Variants in TPST2 observed in about 807,000 individuals in gnomAD.
TPST2 encodes the protein tyrosylprotein sulfotransferase 2, also known as protein-tyrosine sulfotransferase 2.
TPST2 carries 16 observed loss-of-function variants against 27.8 expected under a neutral mutation model. That is an observed-to-expected ratio of 0.58 (90% CI 0.39 to 0.88). The LOEUF (loss-of-function observed/expected upper bound fraction) is 0.88. TPST2 is among the 40% of genes least tolerant of loss of function. The pLI is 0.00. For missense variants in TPST2, 464 were observed against 543.1 expected, an observed-to-expected ratio of 0.85 and a Z score of 1.45; for synonymous variants, 229 against 231.7, an observed-to-expected ratio of 0.99 and a Z score of 0.10.
chr22:26,546,459 G>A (rs1926131655), intron 1 of TPST2, among the ~76,000 whole-genome samples: 1 of 152,242 alleles, frequency 6.6e-6, no homozygotes, highest in African/African-American at 2.4e-5. Context: ...TCGCCCAGCT[G>A]CCCTCAGACA....
chr22:26,585,509 G>A (rs1306141959), intron 1 of TPST2, among the ~76,000 whole-genome samples: 3 of 152,162 alleles, frequency 2.0e-5, no homozygotes, highest in Admixed American at 6.5e-5. Flanking sequence ...CTCTGGAGGG[G>A]CCCCAGACCG....
chr22:26,552,269 T>C (rs1926523480), intron 1 of TPST2, among the ~76,000 whole-genome samples: 1 of 152,156 alleles, frequency 6.6e-6, no homozygotes, highest in Non-Finnish European at 1.5e-5. Flanking sequence ...TCCGGTCAGG[T>C]GGGATCAGGG....
chr22:26,535,862 C>CA lies in TPST2; in HGVS notation c.1041+425dup, dbSNP rs1925426910. On this transcript the variant is annotated intron_variant, in intron 4 of 6. Coordinates refer to ENST00000338754, the MANE Select transcript of TPST2 (RefSeq NM_003595.5). ...AGCATAATTTAAACAGCCCTAAACT[C>CA]ACATTTGTCTGAGAAATCCACATTA... 8.8e-6 allele frequency: 3 copies of CA among 339,652 alleles called. No homozygotes were observed. The Admixed American group carries it at 1.2e-4, about 13-fold the overall frequency. 21.0% of individuals were successfully genotyped at this position (339,652 alleles called of 1,614,324 possible).
chr22:26,546,340 C>T (rs1926124411), intron 1 of TPST2, among the ~76,000 whole-genome samples: 2 of 152,220 alleles, frequency 1.3e-5, no homozygotes, highest in African/African-American at 4.8e-5. Context: ...ATACTCAAGC[C>T]CCGGCACTCC....
intron 4 of TPST2, among the ~76,000 whole-genome samples, chr22:26,535,209 C>T (rs1345532881): frequency 2.0e-5 from 3 of 152,150 alleles, no homozygotes; most frequent in African/African-American, 2.4e-5. Flanking sequence ...AACTTTTTTC[C>T]GTTGTGATTC....
In TPST2 at chr22:26,577,645, G is replaced by A. The variant is rs544733319; in HGVS notation, c.-161+12408C>T. ...ATTACAGGTGTGAGCCACTGCACCCGGCCATTTTTTTTTTTTTTTTTTTTT... is the reference window on the plus strand; with the variant it reads ...ATTACAGGTGTGAGCCACTGCACCCAGCCATTTTTTTTTTTTTTTTTTTTT... On this transcript the variant is annotated intron_variant, in intron 1 of 6. Coordinates refer to ENST00000338754, the MANE Select transcript of TPST2 (RefSeq NM_003595.5). 3.3e-3 allele frequency among the ~76,000 whole-genome samples: 463 copies of A among 142,180 alleles called. 1 individual carries two copies. The highest frequency in any genetic ancestry group is 4.7e-3 in the Non-Finnish European group (315 of 66,542). 93.3% of individuals were successfully genotyped at this position (142,180 alleles called of 152,430 possible). A position where few individuals can be genotyped will look rare whatever the true frequency, so the allele number is the denominator to read the frequency against.
At chr22:26,561,810 G>C (rs997939967) in intron 1 of TPST2, among the ~76,000 whole-genome samples, 7 of 152,168 alleles carry the variant, frequency 4.6e-5, no homozygotes, top group Non-Finnish European at 1.0e-4. Context: ...GGGAGCCATG[G>C]CAGATGTTTG....
rs7289069 is a variant in TPST2, at chr22:26,533,333, T to C, written c.1042-588A>G. Among the ~76,000 whole-genome samples, 721 of 152,170 alleles carry C rather than the reference T, an allele frequency of 4.7e-3. 4 individuals carry two copies. The highest frequency in any genetic ancestry group is 0.017 in the African/African-American group (699 of 41,520). ...AGCTACTCCAGCCTCAGCTGGAGGATTGGTTGAGCCCGGGAGGTTGAGGCT... is the reference window on the plus strand; with the variant it reads ...AGCTACTCCAGCCTCAGCTGGAGGACTGGTTGAGCCCGGGAGGTTGAGGCT... On this transcript the variant is annotated intron_variant, in intron 4 of 6. Transcript: ENST00000338754.
chr22:26,573,214 C>T (rs192425093), intron 1 of TPST2, among the ~76,000 whole-genome samples: 14 of 152,256 alleles, frequency 9.2e-5, no homozygotes, highest in Admixed American at 3.9e-4. Context: ...TATTTTTTGT[C>T]GAGATGAGGT....
rs757828241 is a variant in TPST2, at chr22:26,541,524, G to A, written c.107C>T (p.Ala36Val). 89 of 1,611,672 alleles carry A rather than the reference G, an allele frequency of 5.5e-5. No homozygotes were observed. In the South Asian group the frequency reaches 6.4e-4, roughly 12 times the overall value. Reference sequence around the variant, plus strand: ...GGCCCCCCGGGGGCTCCGCAGGCCCGCCAGCACCGCCCGGCACTCTAGCAC... The same window carrying A: ...GGCCCCCCGGGGGCTCCGCAGGCCCACCAGCACCGCCCGGCACTCTAGCAC... ...QQVLECRAVL[A>V]GLRSPRGAMR... The change falls in exon 3 of 7, where the codon GCG (alanine) becomes GTG (valine). Residue 36 changes from alanine (A) to valine (V), a missense_variant. Transcript: ENST00000338754. This position sits in a 1 kb window ranked among gnomAD's most constrained non-coding sequence, Gnocchi z 5.9.
intron 5 of TPST2, among the ~76,000 whole-genome samples, chr22:26,531,525 G>A (rs528543156): frequency 4.6e-5 from 7 of 152,320 alleles, no homozygotes; most frequent in African/African-American, 1.7e-4. Context: ...CCACTTTCAG[G>A]CGTTTACAGT....
chr22:26,555,643 G>A (rs1926753274), intron 1 of TPST2, among the ~76,000 whole-genome samples: 1 of 152,240 alleles, frequency 6.6e-6, no homozygotes. Flanking sequence ...CATTGAGCCG[G>A]CAGACAATCA....
At chr22:26,528,290 G>T (rs1280364550) in intron 5 of TPST2, 28 bp from the exon 6 acceptor site, 2 of 1,556,692 alleles carry the variant, frequency 1.3e-6, no homozygotes, top group Non-Finnish European at 1.7e-6. Flanking sequence ...ACAGAAGAAG[G>T]GGTCACGGCC....
At chr22:26,531,147 C>T (rs1264605067) in intron 5 of TPST2, among the ~76,000 whole-genome samples, 2 of 152,128 alleles carry the variant, frequency 1.3e-5, no homozygotes, top group Admixed American at 6.6e-5. Context: ...GAATGGCATA[C>T]CCCCACGCTC....
At chr22:26,568,727 T>C (rs1021185123) in intron 1 of TPST2, among the ~76,000 whole-genome samples, 2 of 152,224 alleles carry the variant, frequency 1.3e-5, no homozygotes, top group African/African-American at 4.8e-5. Context: ...TCCCCTTATT[T>C]AGCATATGAT....
At chr22:26,556,334 T>C (rs981811864) in intron 1 of TPST2, among the ~76,000 whole-genome samples, 1 of 151,030 alleles carries the variant, frequency 6.6e-6, no homozygotes. Context: ...AGGTCAGGAG[T>C]TCAAGACCAG....
At chr22:26,560,487 A>C in intron 1 of TPST2, 1 of 775,946 alleles carries the variant, frequency 1.3e-6, no homozygotes, top group Admixed American at 1.9e-5. Flanking sequence ...CCGGACGGGC[A>C]CTGGGCGACT....
chr22:26,536,367 G>C lies in TPST2; in HGVS notation c.962C>G (p.Ala321Gly). The change falls in exon 4 of 7, where the codon GCT becomes GGT. Residue 321 changes from alanine to glycine, a missense_variant. By Grantham distance (60) the Ala-to-Gly change is moderately conservative (BLOSUM62 0). Coordinates refer to ENST00000338754, the MANE Select transcript of TPST2 (RefSeq NM_003595.5). ...TGCATAAGGGTCATAGCCGAGCTGA[G>C]CCAGCATGGGGGCGATCTGGGCCAT... ...RDMAQIAPML[A>G]QLGYDPYANP... 6.2e-7 allele frequency: 1 copy of C among 1,610,514 alleles called. No individual in the cohort carries two copies. The highest frequency in any genetic ancestry group is 8.5e-7 in the Non-Finnish European group (1 of 1,176,958).
intron 4 of TPST2, among the ~76,000 whole-genome samples, chr22:26,533,370 T>C (rs1350219922): frequency 6.6e-6 from 1 of 152,130 alleles, no homozygotes; most frequent in Non-Finnish European, 1.5e-5. Context: ...CAGTGAAGTA[T>C]GATCACATCA....
Sources: gnomAD v4.1 joint callset for allele counts (sites outside exome capture counted in the v4.1 genomes callset) on GRCh38, gnomAD v4.1.1 for gene constraint, Gnocchi (gnomAD v3.1) non-coding constraint, MANE v1.5 for transcripts, NCBI Gene and HGNC (gene_info 2026-07-23, HGNC 2026-07-21) for gene names.